CSMD1: variants seen among roughly 807,000 people sequenced by gnomAD.
The protein encoded by CSMD1 is CUB and Sushi multiple domains 1.
A neutral mutation model predicts 417.5 loss-of-function variants in CSMD1; 213 were observed. The observed-to-expected ratio is 0.51, with a 90% CI of 0.46 to 0.57. The LOEUF is 0.57. Among genes scored for constraint, CSMD1 ranks in the 20% least tolerant of loss-of-function variants. CSMD1 has a pLI of 0.00. For synonymous variants in CSMD1, 2,862 were observed against 1,736.8 expected (o/e 1.65, Z -16.11); for missense variants, 6,923 against 4,529.7 (o/e 1.53, Z -15.17).
chr8:3,630,496 C>G (rs1369563163), intron 7 of CSMD1, among the ~76,000 whole-genome samples: 3 of 152,036 alleles, frequency 2.0e-5, no homozygotes, highest in Non-Finnish European at 4.4e-5. Context: ...ATGAGAAGGT[C>G]CAATTTATAT....
At chr8:3,880,651 C>T (rs763279656) in intron 5 of CSMD1, among the ~76,000 whole-genome samples, 3 of 152,156 alleles carry the variant, frequency 2.0e-5, no homozygotes, top group Non-Finnish European at 2.9e-5. Context: ...CTTAACCTTT[C>T]CTGTAAAGTC....
At chr8:4,902,182 G>C (rs1804918900) in intron 1 of CSMD1, among the ~76,000 whole-genome samples, 1 of 151,966 alleles carries the variant, frequency 6.6e-6, no homozygotes, top group African/African-American at 2.4e-5. Context: ...GAACAAGATG[G>C]AAGGATCACT....
chr8:4,648,278 T>C (rs1450453237), intron 1 of CSMD1, among the ~76,000 whole-genome samples: 1 of 152,162 alleles, frequency 6.6e-6, no homozygotes, highest in Non-Finnish European at 1.5e-5. Context: ...TTCTTGCTAA[T>C]TTCTTGTAGT....
At chr8:3,396,474 T>C (rs1233982865) in intron 16 of CSMD1, 93 bp from the exon 17 acceptor site, 11 of 887,390 alleles carry the variant, frequency 1.2e-5, no homozygotes, top group Non-Finnish European at 1.7e-5. Context: ...CAGAAACCCA[T>C]GTACGTTAAC....
intron 3 of CSMD1, among the ~76,000 whole-genome samples, chr8:4,081,320 T>A (rs76503499): frequency 6.6e-6 from 1 of 152,288 alleles, no homozygotes; most frequent in Admixed American, 6.5e-5. Context: ...CCCTCCCACG[T>A]TGAATAGGTT....
chr8:4,529,381 T>C (rs936812384), intron 2 of CSMD1, among the ~76,000 whole-genome samples: 13 of 152,328 alleles, frequency 8.5e-5, no homozygotes, highest in African/African-American at 3.1e-4. Flanking sequence ...CAAATGTAAA[T>C]CAATACCACT....
At chr8:3,372,684 AGT>A (rs1420358526) in intron 18 of CSMD1, among the ~76,000 whole-genome samples, 1 of 152,116 alleles carries the variant, frequency 6.6e-6, no homozygotes, top group African/African-American at 2.4e-5. Flanking sequence ...CCAGGTCATG[AGT>A]GTAAGGCAGG....
chr8:4,507,518 T>C (rs1239047161), intron 2 of CSMD1, among the ~76,000 whole-genome samples: 1 of 152,182 alleles, frequency 6.6e-6, no homozygotes, highest in African/African-American at 2.4e-5. Flanking sequence ...GCTTATGATT[T>C]TTAGGGGAGA....
chr8:3,251,802 A>G (rs1563187732), intron 26 of CSMD1, among the ~76,000 whole-genome samples: 1 of 152,084 alleles, frequency 6.6e-6, no homozygotes, highest in African/African-American at 2.4e-5. Context: ...TTGGATTCAT[A>G]TGTATTTTAT....
intron 27 of CSMD1, among the ~76,000 whole-genome samples, chr8:3,228,994 C>A (rs1355939749): frequency 6.6e-6 from 1 of 152,042 alleles, no homozygotes; most frequent in Admixed American, 6.6e-5. Flanking sequence ...CATTGCTCCC[C>A]GACAAGGCTG....
intron 1 of CSMD1, among the ~76,000 whole-genome samples, chr8:4,974,359 G>C (rs1444173253): frequency 6.6e-6 from 1 of 152,026 alleles, no homozygotes; most frequent in Non-Finnish European, 1.5e-5. Context: ...ATGTCGGTTA[G>C]CACTTAGCTG....
intron 23 of CSMD1, among the ~76,000 whole-genome samples, chr8:3,314,330 C>T (rs1805588307): frequency 6.6e-6 from 1 of 152,066 alleles, no homozygotes; most frequent in Non-Finnish European, 1.5e-5. Flanking sequence ...GAGATATTTC[C>T]ATTTTAATGT....
intron 1 of CSMD1, among the ~76,000 whole-genome samples, chr8:4,647,443 T>TGTGCCACGGCGGCCTGCTACGTAGGTAC (rs1563366575): frequency 2.6e-5 from 3 of 114,026 alleles, no homozygotes; most frequent in Non-Finnish European, 3.7e-5. Context: ...TACGTAGGTA[T>TGTGCCACGGCGGCCTGCTACGTAGGTAC]GCGTGTGCCA....
chr8:4,290,714 T>C (rs1309177567), intron 3 of CSMD1, among the ~76,000 whole-genome samples: 1 of 152,244 alleles, frequency 6.6e-6, no homozygotes, highest in African/African-American at 2.4e-5. Flanking sequence ...ATGACATTGA[T>C]AATGTTCATT....
At chr8:3,830,547 G>A (rs559496117) in intron 5 of CSMD1, among the ~76,000 whole-genome samples, 2 of 152,240 alleles carry the variant, frequency 1.3e-5, no homozygotes, top group South Asian at 2.1e-4. Flanking sequence ...AGACCTCCTG[G>A]CATGTAGAAA....
At chr8:3,892,151 A>G (rs1365232418) in intron 5 of CSMD1, among the ~76,000 whole-genome samples, 4 of 152,188 alleles carry the variant, frequency 2.6e-5, no homozygotes, top group Non-Finnish European at 4.4e-5. Flanking sequence ...AGTGAAAGGT[A>G]ACAGCCCCAA....
At chr8:3,045,118 G>A (rs1024043078) in intron 50 of CSMD1, among the ~76,000 whole-genome samples, 11 of 152,076 alleles carry the variant, frequency 7.2e-5, no homozygotes, top group African/African-American at 4.8e-5. Flanking sequence ...AAAGAACGAC[G>A]GGAGGAAATG....
intron 2 of CSMD1, among the ~76,000 whole-genome samples, chr8:4,438,113 A>G (rs1297911099): frequency 1.3e-5 from 2 of 152,182 alleles, no homozygotes; most frequent in Non-Finnish European, 2.9e-5. Context: ...TTTCTAGCAC[A>G]CTACGCTGCA....
At chr8:3,329,674 C>A (rs1445190871) in intron 23 of CSMD1, among the ~76,000 whole-genome samples, 1 of 152,118 alleles carries the variant, frequency 6.6e-6, no homozygotes. Flanking sequence ...GCCCCATTAC[C>A]AGAAAGAGTT....
Sources: gnomAD v4.1 joint callset for allele counts (sites outside exome capture counted in the v4.1 genomes callset) on GRCh38, gnomAD v4.1.1 for gene constraint, MANE v1.5 for transcripts, NCBI Gene and HGNC (gene_info 2026-07-23, HGNC 2026-07-21) for gene names.